AGBL1: variants seen among roughly 807,000 people sequenced by gnomAD.
The protein encoded by AGBL1 is cytosolic carboxypeptidase 4.
A neutral mutation model predicts 118.9 loss-of-function variants in AGBL1; 130 were observed. That is an observed-to-expected ratio of 1.09 (90% confidence interval 0.95 to 1.26). The LOEUF (loss-of-function observed/expected upper bound fraction) is 1.26, where lower values mean the gene tolerates loss of function less well. AGBL1 is among the 50% of genes most tolerant of loss of function. The pLI is 0.00. For missense variants in AGBL1, 1,584 were observed against 1,298.1 expected (o/e 1.22, Z -3.38); for synonymous variants, 555 against 478.9 (o/e 1.16, Z -2.08).
chr15:87,028,056 T>A (rs116765561), intron 24 of AGBL1, among the ~76,000 whole-genome samples: 9,988 of 150,086 alleles, frequency 0.067, 448 homozygotes, highest in African/African-American at 0.12. Flanking sequence ...AAGAAAAAAA[T>A]ATATATATAT....
intron 6 of AGBL1, among the ~76,000 whole-genome samples, chr15:86,244,192 T>C (rs1283887926): frequency 6.6e-6 from 1 of 152,120 alleles, no homozygotes; most frequent in African/African-American, 2.4e-5. Context: ...GCTGTTTATG[T>C]AAACAGACTA....
intron 19 of AGBL1, among the ~76,000 whole-genome samples, chr15:86,532,224 C>T (rs943376353): frequency 2.0e-5 from 3 of 150,594 alleles, no homozygotes; most frequent in Non-Finnish European, 3.0e-5. Context: ...TCATCTCAGC[C>T]CAAAATCTCC....
intron 22 of AGBL1, among the ~76,000 whole-genome samples, chr15:86,760,416 C>T (rs2078007166): frequency 6.6e-6 from 1 of 152,050 alleles, no homozygotes; most frequent in Non-Finnish European, 1.5e-5. Flanking sequence ...ATTCCCCAAT[C>T]CCTAGATTCC....
At chr15:86,917,683 C>A (rs2080441105), downstream of AGBL1, among the ~76,000 whole-genome samples, 1 of 151,972 alleles carries the variant, frequency 6.6e-6, no homozygotes, top group South Asian at 2.1e-4. This position sits in a 1 kb window ranked among gnomAD's most constrained non-coding sequence, Gnocchi z 4.8. Context: ...TGGGGATATG[C>A]AAATGTCGGG....
chr15:86,861,168 A>T (rs1356670582), intron 22 of AGBL1, among the ~76,000 whole-genome samples: 1 of 152,158 alleles, frequency 6.6e-6, no homozygotes, highest in South Asian at 2.1e-4. Flanking sequence ...TCTGATCCCC[A>T]TTGAAGGTAT....
At chr15:86,633,732 TTGTAC>T (rs1322791968) in intron 21 of AGBL1, among the ~76,000 whole-genome samples, 3 of 149,798 alleles carry the variant, frequency 2.0e-5, no homozygotes, top group Non-Finnish European at 4.4e-5. Context: ...TATGCTATCT[TTGTAC>T]TGTATTATAC....
chr15:86,827,441 ATGTGTG>A (rs369498357), intron 22 of AGBL1, among the ~76,000 whole-genome samples: 1 of 8,026 alleles, frequency 1.2e-4, no homozygotes, highest in African/African-American at 6.9e-4. Context: ...ACATATATAT[ATGTGTG>A]TGTATATATA....
At position 86,339,805 on chromosome 15, in the gene AGBL1, A is replaced by G. The variant is rs1415340966; in HGVS notation, c.2374+44397A>G. ...AACATGATGAAACCCCGTCTCTATT[A>G]AAAGTACAAAAATTAGCTGGGCGTA... On this transcript the variant is annotated intron_variant, in intron 17 of 22. Coordinates refer to ENST00000614907, the MANE Select transcript of AGBL1 (RefSeq NM_001386094.1). Among the ~76,000 whole-genome samples, 2 of 152,054 alleles carry G rather than the reference A, an allele frequency of 1.3e-5. 1 individual carries two copies. The highest frequency in any genetic ancestry group is 2.9e-5 in the Non-Finnish European group (2 of 67,992).
At chr15:86,324,869 G>A (rs1048389273) in intron 17 of AGBL1, among the ~76,000 whole-genome samples, 3 of 152,176 alleles carry the variant, frequency 2.0e-5, no homozygotes, top group African/African-American at 7.2e-5. Context: ...TAGAGGAAGT[G>A]AGCCAATGTC....
chr15:86,937,306 A>G (rs1021277198), intron 23 of AGBL1, among the ~76,000 whole-genome samples: 3 of 152,238 alleles, frequency 2.0e-5, no homozygotes, highest in African/African-American at 4.8e-5. Context: ...TACTGCGCAT[A>G]TATCCAGAGG....
chr15:86,412,167 C>T (rs914588538), intron 18 of AGBL1, among the ~76,000 whole-genome samples: 1 of 152,172 alleles, frequency 6.6e-6, no homozygotes, highest in Non-Finnish European at 1.5e-5. Flanking sequence ...ATAACATTCT[C>T]TTAACTAGTC....
At chr15:86,754,253 T>C (rs901145360) in intron 22 of AGBL1, among the ~76,000 whole-genome samples, 8 of 152,120 alleles carry the variant, frequency 5.3e-5, no homozygotes, top group Non-Finnish European at 1.0e-4. Context: ...TAGCCTTAAT[T>C]AGTACTTGTG....
chr15:86,709,022 G>A (rs945964860), intron 22 of AGBL1, among the ~76,000 whole-genome samples: 5 of 152,066 alleles, frequency 3.3e-5, no homozygotes, highest in Admixed American at 1.3e-4. Context: ...TAACTAAAAG[G>A]TATGACTATT....
intron 1 of AGBL1, among the ~76,000 whole-genome samples, chr15:86,113,211 C>G (rs1242845121): frequency 1.1e-5 from 1 of 94,446 alleles, no homozygotes; most frequent in South Asian, 3.8e-4. Context: ...TTTTCTTTTT[C>G]TTTTTCTTTT....
At chr15:86,688,205 C>G (rs1263900024) in intron 22 of AGBL1, among the ~76,000 whole-genome samples, 1 of 151,988 alleles carries the variant, frequency 6.6e-6, no homozygotes, top group Non-Finnish European at 1.5e-5. Context: ...GAGGTCCTCT[C>G]TGACCCTTGG....
At chr15:86,522,625 A>T (rs922684728) in intron 18 of AGBL1, among the ~76,000 whole-genome samples, 185 bp from the exon 19 acceptor site, 1 of 152,246 alleles carries the variant, frequency 6.6e-6, no homozygotes, top group Non-Finnish European at 1.5e-5. Flanking sequence ...GTGAATAATT[A>T]TGATACTTTG....
At chr15:86,103,394 T>G (rs1896848177) in intron 1 of AGBL1, among the ~76,000 whole-genome samples, 1 of 152,208 alleles carries the variant, frequency 6.6e-6, no homozygotes, top group Non-Finnish European at 1.5e-5. Flanking sequence ...TATCTTTTTT[T>G]GGAGGTGTCG....
chr15:86,270,303 C>T (rs531526303), intron 14 of AGBL1, among the ~76,000 whole-genome samples: 8 of 152,160 alleles, frequency 5.3e-5, no homozygotes, highest in Admixed American at 3.3e-4. Context: ...TGGATTCCCT[C>T]GCTCTACCTT....
chr15:86,700,471 A>G (rs2086337348), intron 22 of AGBL1, among the ~76,000 whole-genome samples: 1 of 55,190 alleles, frequency 1.8e-5, no homozygotes. Flanking sequence ...AGACTAATAC[A>G]CACACACACA....
Sources: allele counts gnomAD v4.1 joint callset (sites outside exome capture counted in the v4.1 genomes callset), GRCh38; gene constraint gnomAD v4.1.1; non-coding constraint Gnocchi (gnomAD v3.1); transcripts MANE v1.5; gene names NCBI Gene and HGNC (gene_info 2026-07-23, HGNC 2026-07-21).